COL23A1: variants seen among roughly 807,000 people sequenced by gnomAD.
COL23A1 encodes the protein collagen alpha-1(XXIII) chain.
Under a neutral mutation model 99.3 loss-of-function variants are expected in COL23A1, and 97 were observed. The observed-to-expected ratio is 0.98, with a 90% CI of 0.83 to 1.16. The LOEUF (loss-of-function observed/expected upper bound fraction) is 1.16, where lower values mean the gene tolerates loss of function less well. Ranked by LOEUF, COL23A1 falls within the 50% of genes most tolerant of loss-of-function variation. COL23A1 has a pLI of 0.00. For synonymous variants in COL23A1, 320 were observed against 308.2 expected (o/e 1.04, Z -0.40); for missense variants, 762 against 757.4 (o/e 1.01, Z -0.07).
intron 2 of COL23A1, among the ~76,000 whole-genome samples, chr5:178,402,725 A>G (rs1444197509): frequency 2.6e-5 from 4 of 151,958 alleles, no homozygotes; most frequent in African/African-American, 7.3e-5. Context: ...TCTCTTAAAA[A>G]AAGAAAGAAA....
chr5:178,504,730 T>C (rs1332995503), intron 2 of COL23A1, among the ~76,000 whole-genome samples: 3 of 152,164 alleles, frequency 2.0e-5, no homozygotes, highest in African/African-American at 7.2e-5. Flanking sequence ...TGTGTGTGCC[T>C]TGACATGCAC....
At chr5:178,322,260 G>A (rs1243608650) in intron 2 of COL23A1, among the ~76,000 whole-genome samples, 4 of 152,146 alleles carry the variant, frequency 2.6e-5, no homozygotes, top group Non-Finnish European at 5.9e-5. Context: ...CCAAAGTGCT[G>A]GGATTACAAG....
At chr5:178,568,070 A>G (rs1213437771) in intron 1 of COL23A1, among the ~76,000 whole-genome samples, 1 of 152,244 alleles carries the variant, frequency 6.6e-6, no homozygotes, top group Non-Finnish European at 1.5e-5. Context: ...CCCCGATGGG[A>G]TGCCATGAAC....
chr5:178,481,004 T>C (rs1387889110), intron 2 of COL23A1, among the ~76,000 whole-genome samples: 1 of 151,394 alleles, frequency 6.6e-6, no homozygotes, highest in African/African-American at 2.4e-5. Flanking sequence ...AAAAATTAGC[T>C]GGGCATGGTA....
intron 2 of COL23A1, among the ~76,000 whole-genome samples, chr5:178,507,917 T>G (rs2127991689): frequency 6.6e-6 from 1 of 152,338 alleles, no homozygotes; most frequent in Admixed American, 6.5e-5. Context: ...TGTCAGCTCA[T>G]CCCCTTCACC....
chr5:178,419,095 C>T (rs1220575757), intron 2 of COL23A1, among the ~76,000 whole-genome samples: 1 of 152,176 alleles, frequency 6.6e-6, no homozygotes, highest in African/African-American at 2.4e-5. Flanking sequence ...CCTCCTCCAC[C>T]CAGGCGTTGG....
chr5:178,338,993 T>C (rs759033573), intron 2 of COL23A1, among the ~76,000 whole-genome samples: 1 of 152,214 alleles, frequency 6.6e-6, no homozygotes, highest in Non-Finnish European at 1.5e-5. Context: ...CTGTGGGTCA[T>C]GAATTCACTG....
At chr5:178,279,695 C>G (rs966654551) in intron 5 of COL23A1, among the ~76,000 whole-genome samples, 2 of 152,184 alleles carry the variant, frequency 1.3e-5, no homozygotes, top group Middle Eastern at 3.2e-3. Flanking sequence ...TCCAGGGACA[C>G]AGGCTTCTCA....
chr5:178,440,876 C>G (rs1008523828), intron 2 of COL23A1, among the ~76,000 whole-genome samples: 1 of 152,066 alleles, frequency 6.6e-6, no homozygotes, highest in African/African-American at 2.4e-5. Context: ...CTTGGCCTCC[C>G]AAAAAGTAGG....
chr5:178,471,595 G>A (rs940924516), intron 2 of COL23A1, among the ~76,000 whole-genome samples: 2 of 152,074 alleles, frequency 1.3e-5, no homozygotes, highest in African/African-American at 4.8e-5. Context: ...TGGCCAGGGA[G>A]AGACTCCCTT....
chr5:178,329,261 T>G (rs1410315833), intron 2 of COL23A1, among the ~76,000 whole-genome samples: 1 of 152,228 alleles, frequency 6.6e-6, no homozygotes, highest in South Asian at 2.1e-4. Context: ...CCAGCCAACA[T>G]GGAAATCCGC....
At chr5:178,456,063 C>T (rs769504234) in intron 2 of COL23A1, among the ~76,000 whole-genome samples, 1 of 152,214 alleles carries the variant, frequency 6.6e-6, no homozygotes, top group Admixed American at 6.5e-5. Flanking sequence ...CTCTCATATA[C>T]CAAACAATTT....
intron 2 of COL23A1, among the ~76,000 whole-genome samples, chr5:178,410,396 G>C (rs1453154705): frequency 6.6e-6 from 1 of 152,140 alleles, no homozygotes; most frequent in African/African-American, 2.4e-5. Context: ...GGAATAGCAA[G>C]AGGGCTTGAA....
intron 2 of COL23A1, among the ~76,000 whole-genome samples, chr5:178,347,763 C>G (rs1012092487): frequency 6.6e-6 from 1 of 151,578 alleles, no homozygotes; most frequent in African/African-American, 2.4e-5. Flanking sequence ...CGCCTATAAT[C>G]CCAGCTACTC....
chr5:178,368,131 A>G (rs1247122400), intron 2 of COL23A1, among the ~76,000 whole-genome samples: 2 of 152,180 alleles, frequency 1.3e-5, no homozygotes, highest in Non-Finnish European at 2.9e-5. Flanking sequence ...CTCTGGGAAG[A>G]GCTCAGTCTG....
rs796559696 is a variant in COL23A1 at position 178,365,136 on chromosome 5, C to T, written c.362-58217G>A. On this transcript the variant is annotated intron_variant, in intron 2 of 28. Transcript: ENST00000390654. This position sits in a 1 kb window ranked among gnomAD's most constrained non-coding sequence, Gnocchi z 5.2. ...GGGCTTTATGATGTTGCTGTGTGTG[C>T]GTGTGTGTGTGTGTGTGTGTGTGTG... 2.6e-4 allele frequency among the ~76,000 whole-genome samples: 39 copies of T among 147,910 alleles called. No homozygotes were observed. Among genetic ancestry groups the T allele is most frequent in the East Asian group, 1.0e-3 (5 of 4,864 alleles).
At chr5:178,331,645 T>C (rs1280321620) in intron 2 of COL23A1, among the ~76,000 whole-genome samples, 3 of 152,046 alleles carry the variant, frequency 2.0e-5, no homozygotes, top group East Asian at 3.9e-4. Flanking sequence ...GTAAACACCA[T>C]AGGGCGCCTG....
intron 3 of COL23A1, among the ~76,000 whole-genome samples, chr5:178,302,895 G>C (rs1169854642): frequency 6.6e-6 from 1 of 152,216 alleles, no homozygotes; most frequent in African/African-American, 2.4e-5. Flanking sequence ...AAGTCAAATA[G>C]TGACAGTTCT....
At chr5:178,578,149 G>C (rs533921144) in intron 1 of COL23A1, among the ~76,000 whole-genome samples, 72 of 151,300 alleles carry the variant, frequency 4.8e-4, no homozygotes, top group African/African-American at 1.5e-3. Flanking sequence ...GCACACACAT[G>C]CACACACAGG....
Sources: allele counts gnomAD v4.1 joint callset (sites outside exome capture counted in the v4.1 genomes callset), GRCh38; gene constraint gnomAD v4.1.1; non-coding constraint Gnocchi (gnomAD v3.1); transcripts MANE v1.5; gene names NCBI Gene and HGNC (gene_info 2026-07-23, HGNC 2026-07-21).